Variants in THADA observed in about 807,000 individuals in gnomAD.
THADA encodes the protein THADA armadillo repeat containing.
In THADA, 213 loss-of-function variants were observed where a neutral mutation model predicts 219.8. The observed-to-expected ratio is 0.97, with a 90% CI of 0.87 to 1.09. The LOEUF (loss-of-function observed/expected upper bound fraction) is 1.09, where lower values mean the gene tolerates loss of function less well. Among genes scored for constraint, THADA ranks in the 50% least tolerant of loss-of-function variants. The pLI, the probability that THADA is intolerant of heterozygous loss-of-function variation, is 0.00. For missense variants in THADA, 2,956 were observed against 2,311.3 expected, an observed-to-expected ratio of 1.28 and a Z score of -5.72; for synonymous variants, 1,018 against 828.9, an observed-to-expected ratio of 1.23 and a Z score of -3.92.
chr2:43,248,513 TG>T (rs1018856859), intron 36 of THADA, among the ~76,000 whole-genome samples: 61 of 152,282 alleles, frequency 4.0e-4, no homozygotes, highest in African/African-American at 1.4e-3. Context: ...ATTATAGGCA[TG>T]AGCCACCACG....
At chr2:43,275,096 C>T (rs769112087) in intron 36 of THADA, among the ~76,000 whole-genome samples, 6 of 151,072 alleles carry the variant, frequency 4.0e-5, no homozygotes, top group Non-Finnish European at 7.4e-5. Flanking sequence ...ATTCCACCTC[C>T]GAGGTTCAAG....
At chr2:43,491,381 A>G (rs1275483605) in intron 25 of THADA, among the ~76,000 whole-genome samples, 1 of 152,232 alleles carries the variant, frequency 6.6e-6, no homozygotes, top group Non-Finnish European at 1.5e-5. Flanking sequence ...AGTTATTGCC[A>G]TTAATAAGTA....
chr2:43,312,680 T>C (rs1191166343), intron 31 of THADA, among the ~76,000 whole-genome samples: 5 of 152,176 alleles, frequency 3.3e-5, no homozygotes, highest in East Asian at 1.9e-4. Flanking sequence ...TTCCAGTGTT[T>C]TGGGGAAAAC....
At position 43,263,897 on chromosome 2, in the gene THADA, A is replaced by AC. The variant is rs141951259; in HGVS notation, c.5296+15867dup. 8.1e-3 allele frequency among the ~76,000 whole-genome samples: 1,226 copies of AC among 151,030 alleles called. 12 individuals carry two copies. The highest frequency in any genetic ancestry group is 0.029 in the African/African-American group (1,177 of 41,034). On this transcript the variant is annotated intron_variant, in intron 36 of 37. Coordinates refer to ENST00000405975, the MANE Select transcript of THADA (RefSeq NM_022065.5). ...CTCATGCTCTCCCTCCTCTCACCCCACCCCTCAACAATACAGCTAAGCCTT... is the reference window on the plus strand; with the variant it reads ...CTCATGCTCTCCCTCCTCTCACCCCACCCCCTCAACAATACAGCTAAGCCTT...
At chr2:43,257,069 T>C (rs1229008807) in intron 36 of THADA, among the ~76,000 whole-genome samples, 2 of 152,164 alleles carry the variant, frequency 1.3e-5, no homozygotes, top group Non-Finnish European at 2.9e-5. Context: ...GCCTCCCATC[T>C]GGTAGACAGG....
At chr2:43,248,162 TATAG>T (rs1558464320) in intron 36 of THADA, among the ~76,000 whole-genome samples, 152 of 44,358 alleles carry the variant, frequency 3.4e-3, no homozygotes, top group East Asian at 8.6e-3. Context: ...TATATATATA[TATAG>T]AGAGAGAGAG....
chr2:43,428,845 A>G (rs1182042659), intron 27 of THADA, among the ~76,000 whole-genome samples: 4 of 152,216 alleles, frequency 2.6e-5, no homozygotes, highest in African/African-American at 9.6e-5. Flanking sequence ...CCTGTTCCAC[A>G]GTATGAAATG....
intron 14 of THADA, among the ~76,000 whole-genome samples, chr2:43,568,773 T>A (rs1698962455): frequency 6.6e-6 from 1 of 152,126 alleles, no homozygotes; most frequent in Non-Finnish European, 1.5e-5. Context: ...GAATAGGTAG[T>A]ATGTCATGCC....
chr2:43,305,026 T>C (rs573320736), intron 31 of THADA, among the ~76,000 whole-genome samples: 42 of 152,346 alleles, frequency 2.8e-4, no homozygotes, highest in African/African-American at 9.9e-4. Context: ...TTTTAAAGAA[T>C]TGTAGCATTG....
rs575166267 is a variant in THADA at position 43,403,753 on chromosome 2, C to T, written c.4059-5614G>A. ...CATCCACTTGCTCTAGATGCCCCTACTTAACCAAGCGGTTTGCATCTTCAG... is the reference window on the plus strand; with the variant it reads ...CATCCACTTGCTCTAGATGCCCCTATTTAACCAAGCGGTTTGCATCTTCAG... On this transcript the variant is annotated intron_variant, in intron 28 of 37. Coordinates refer to ENST00000405975, the MANE Select transcript of THADA (RefSeq NM_022065.5). Among the ~76,000 whole-genome samples, 6 of 152,292 alleles carry T rather than the reference C, an allele frequency of 3.9e-5. No individual in the cohort carries two copies. The South Asian group carries it at 1.2e-3, about 32-fold the overall frequency.
At chr2:43,266,478 C>T (rs1384058753) in intron 36 of THADA, among the ~76,000 whole-genome samples, 2 of 152,162 alleles carry the variant, frequency 1.3e-5, no homozygotes, top group African/African-American at 4.8e-5. Context: ...TGGCTGGCAC[C>T]TGTAGTTGCA....
rs1686777668 is a variant in THADA, at chr2:43,485,302, G to C, written c.3768C>G (p.Leu1256=). 1 of 1,612,988 alleles carries C rather than the reference G, an allele frequency of 6.2e-7. No individual in the cohort carries two copies. The highest frequency in any genetic ancestry group is 8.5e-7 in the Non-Finnish European group (1 of 1,179,372). ...AAATTCTTGTGATCAAGGCACTAAA[G>C]AGAAGTGTGGATGAATTTCGCACCT... The part of the protein sequence containing the change: ...VWAVRNSSTL[L]FSALITRIFG... The change falls in exon 26 of 38, where the codon CTC becomes CTG. Residue 1256 remains leucine, a synonymous_variant. Coordinates refer to ENST00000405975, the MANE Select transcript of THADA (RefSeq NM_022065.5).
In THADA at chr2:43,352,250, T is replaced by C. The variant is rs1034906198; in HGVS notation, c.4228-8013A>G. On this transcript the variant is annotated intron_variant, in intron 29 of 37. Transcript: ENST00000405975. ...CAAGATCAACAAGAAACTCTTAATGTAGTAAAACTTACTAATGAAAAATAA... is the reference window on the plus strand; with the variant it reads ...CAAGATCAACAAGAAACTCTTAATGCAGTAAAACTTACTAATGAAAAATAA... Among the ~76,000 whole-genome samples the C allele has an allele frequency of 7.2e-5, 11 of 152,322 alleles. No homozygotes were observed. The South Asian group carries it at 1.9e-3, about 26-fold the overall frequency.
intron 17 of THADA, among the ~76,000 whole-genome samples, chr2:43,555,233 A>G (rs1216291971): frequency 6.6e-6 from 1 of 151,844 alleles, no homozygotes; most frequent in Non-Finnish European, 1.5e-5. Flanking sequence ...ACCAGAGGCA[A>G]TATTATTAAA....
chr2:43,409,888 G>A (rs1676061602), intron 28 of THADA, among the ~76,000 whole-genome samples: 1 of 151,978 alleles, frequency 6.6e-6, no homozygotes. Context: ...ATGGTGGCAT[G>A]TGCTTGTAGT....
intron 25 of THADA, among the ~76,000 whole-genome samples, chr2:43,489,522 A>T (rs1212029133): frequency 6.6e-6 from 1 of 152,112 alleles, no homozygotes. Flanking sequence ...TAGCTTTTAC[A>T]TTTAGGTTTT....
In THADA at chr2:43,312,717, G is replaced by GT. The variant is rs1276809031; in HGVS notation, c.4438+7728dup. On this transcript the variant is annotated intron_variant, in intron 31 of 37. Transcript: ENST00000405975. ...AACTAATTTATTGACAACAAAGCCT[G>GT]TTTTTTTTTTTTTTTTTTCCTCCTC... Among the ~76,000 whole-genome samples the GT allele has an allele frequency of 6.6e-3, 837 of 126,310 alleles. 2 individuals are homozygous for GT. The highest frequency in any genetic ancestry group is 9.7e-3 in the South Asian group (38 of 3,918). 82.9% of individuals were successfully genotyped at this position (126,310 alleles called of 152,430 possible).
chr2:43,547,197 G>T (rs1380719436), intron 20 of THADA, among the ~76,000 whole-genome samples: 1 of 152,054 alleles, frequency 6.6e-6, no homozygotes, highest in Non-Finnish European at 1.5e-5. Context: ...TTGAATATTG[G>T]CCCCCACTCT....
rs201735523 is a variant in THADA, at chr2:43,489,874, C to CAAAAAAAAAAAAAAAAAAAAAAAA, written c.3745-4550_3745-4549insTTTTTTTTTTTTTTTTTTTTTTTT. Among the ~76,000 whole-genome samples, 92 of 56,048 alleles carry CAAAAAAAAAAAAAAAAAAAAAAAA rather than the reference C, an allele frequency of 1.6e-3. 8 individuals are homozygous for CAAAAAAAAAAAAAAAAAAAAAAAA. Among genetic ancestry groups the CAAAAAAAAAAAAAAAAAAAAAAAA allele is most frequent in the Middle Eastern group, 8.2e-3 (1 of 122 alleles). 36.8% of individuals were successfully genotyped at this position (56,048 alleles called of 152,430 possible). ...ATTTCCATATGTATTTTAAGATCTG[C>CAAAAAAAAAAAAAAAAAAAAAAAA]AAAAAAAAAAAAAAAAAAAAGCTAG... is the stretch of plus-strand genomic sequence containing the variant. On this transcript the variant is annotated intron_variant, in intron 25 of 37. Coordinates refer to ENST00000405975, the MANE Select transcript of THADA (RefSeq NM_022065.5).
Sources: allele counts gnomAD v4.1 joint callset (sites outside exome capture counted in the v4.1 genomes callset), GRCh38; gene constraint gnomAD v4.1.1; transcripts MANE v1.5; gene names NCBI Gene and HGNC (gene_info 2026-07-23, HGNC 2026-07-21).